Variants in FAT4 observed in about 807,000 individuals in gnomAD.
The protein encoded by FAT4 is FAT atypical cadherin 4, also known as protocadherin Fat 4.
Under a neutral mutation model 303.9 loss-of-function variants are expected in FAT4, and 84 were observed. The ratio of observed to expected loss-of-function variants is 0.28; its 90% CI spans 0.23 to 0.33. FAT4 has a LOEUF of 0.33. FAT4 is among the 10% of genes least tolerant of loss of function. The probability of loss-of-function intolerance (pLI) is 1.00; values close to 1 mark genes in which losing one functional copy is unlikely to be tolerated. For missense variants in FAT4, 6,005 were observed against 6,146.8 expected, an observed-to-expected ratio of 0.98 and a Z score of 0.77; for synonymous variants, 2,307 against 2,298.8, an observed-to-expected ratio of 1.00 and a Z score of -0.10.
At position 125,450,855 on chromosome 4, in the gene FAT4, G is replaced by A. The variant is rs764849695; in HGVS notation, c.9845G>A (p.Ser3282Asn). The A allele has an allele frequency of 1.9e-6, 3 of 1,614,022 alleles. No homozygotes were observed. Among genetic ancestry groups the A allele is most frequent in the Non-Finnish European group, 8.5e-7 (1 of 1,180,022 alleles). The change falls in exon 10 of 18, where the codon AGC (serine) becomes AAC (asparagine). Residue 3282 changes from serine to asparagine, a missense_variant. Transcript: ENST00000394329. ...AFNVPDEERC[S>N]FATVNIQLKG... ...AATGTCCCCGATGAGGAAAGGTGTAGCTTTGCCACTGTTAATATACAATTA... is the reference window on the plus strand; with the variant it reads ...AATGTCCCCGATGAGGAAAGGTGTAACTTTGCCACTGTTAATATACAATTA...
intron 2 of FAT4, among the ~76,000 whole-genome samples, chr4:125,372,863 T>C (rs539892182): frequency 1.3e-5 from 2 of 152,222 alleles, no homozygotes; most frequent in Non-Finnish European, 2.9e-5. Context: ...CAATATCATA[T>C]GCAATAGCAA....
chr4:125,436,529 C>T (rs572043139), intron 8 of FAT4, among the ~76,000 whole-genome samples: 6 of 152,154 alleles, frequency 3.9e-5, no homozygotes, highest in East Asian at 3.9e-4. Context: ...AACACGTTTG[C>T]GGAGTGTATT....
At position 125,482,814 on chromosome 4, in the gene FAT4, C is replaced by G. The variant is rs568672445; in HGVS notation, c.12822+1076C>G. ...TTCATCCTCAAAATTTTTCTCTGTG[C>G]AAGCCAACCATGATTATGTTGCATA... is the stretch of plus-strand genomic sequence containing the variant. On this transcript the variant is annotated intron_variant, in intron 16 of 17. Coordinates refer to ENST00000394329, the MANE Select transcript of FAT4 (RefSeq NM_001291303.3). Among the ~76,000 whole-genome samples the G allele has an allele frequency of 9.7e-4, 147 of 152,220 alleles. 1 individual carries two copies. The highest frequency in any genetic ancestry group is 3.5e-3 in the African/African-American group (144 of 41,528).
At chr4:125,407,177 A>C (rs777713147) in intron 4 of FAT4, 36 bp downstream of exon 4, 2 of 1,570,460 alleles carry the variant, frequency 1.3e-6, no homozygotes, top group Admixed American at 1.8e-5. Flanking sequence ...TTTTGCAAGA[A>C]TCGCTTTTGA....
intron 17 of FAT4, 38 bp from the exon 18 acceptor site, chr4:125,489,863 T>TTTTTTC: frequency 8.9e-7 from 1 of 1,122,086 alleles, no homozygotes. Context: ...TTTTTTTTTT[T>TTTTTTC]TTTTTGTAAA....
At chr4:125,406,542 A>G (rs1734615189) in intron 3 of FAT4, among the ~76,000 whole-genome samples, 1 of 152,198 alleles carries the variant, frequency 6.6e-6, no homozygotes. Context: ...AAATGCTGTT[A>G]GGATTTTGAT....
intron 11 of FAT4, 150 bp downstream of exon 11, chr4:125,463,817 G>C: frequency 2.0e-6 from 1 of 507,062 alleles, no homozygotes; most frequent in South Asian, 3.7e-5. Flanking sequence ...TTTAACATTT[G>C]TAAAAGTTAT....
rs1465836024 is a variant in FAT4 at position 125,451,393 on chromosome 4, A to T, written c.10383A>T (p.Thr3461=). ...ENGAFSINPQ[T]GQITVTAELD... ...GTGCCTTTTCTATTAATCCGCAGAC[A>T]GGACAGATCACCGTTACTGCAGAAT... is the stretch of plus-strand genomic sequence containing the variant. The change falls in exon 10 of 18, where the codon ACA becomes ACT. Residue 3461 remains threonine, a synonymous_variant. Transcript: ENST00000394329. 6.2e-7 allele frequency: 1 copy of T among 1,614,158 alleles called. No homozygotes were observed. The highest frequency in any genetic ancestry group is 8.5e-7 in the Non-Finnish European group (1 of 1,180,020).
intron 10 of FAT4, among the ~76,000 whole-genome samples, chr4:125,458,695 C>T (rs1560621992): frequency 6.6e-6 from 1 of 151,868 alleles, no homozygotes; most frequent in Non-Finnish European, 1.5e-5. Flanking sequence ...TATTTATAAG[C>T]TTATGAACAT....
At chr4:125,370,340 C>G (rs1451415187) in intron 2 of FAT4, among the ~76,000 whole-genome samples, 1 of 152,098 alleles carries the variant, frequency 6.6e-6, no homozygotes, top group African/African-American at 2.4e-5. Flanking sequence ...TCCAAATTTC[C>G]AGAATGAATG....
In FAT4 at chr4:125,318,496, T is replaced by C. The variant is rs778718253; in HGVS notation, c.2085T>C (p.Phe695=). 2.5e-6 allele frequency: 4 copies of C among 1,614,078 alleles called. No homozygotes were observed. In the South Asian group the frequency reaches 4.4e-5, roughly 18 times the overall value. The change falls in exon 2 of 18, where the codon TTT becomes TTC. Residue 695 remains phenylalanine, a synonymous_variant. Transcript: ENST00000394329. ...NSPVFYPVQY[F]AHIKENEPGG... ...CTGTCTTCTACCCGGTCCAATACTT[T>C]GCTCACATTAAGGAGAATGAGCCTG... is the stretch of plus-strand genomic sequence containing the variant.
chr4:125,487,260 C>A, intron 16 of FAT4, 85 bp from the exon 17 acceptor site: 1 of 1,340,170 alleles, frequency 7.5e-7, no homozygotes, highest in Non-Finnish European at 1.0e-6. Context: ...GTGGACTGGT[C>A]AAAAATTTAA....
At chr4:125,457,666 A>T (rs2126066697) in intron 10 of FAT4, among the ~76,000 whole-genome samples, 1 of 152,180 alleles carries the variant, frequency 6.6e-6, no homozygotes, top group Admixed American at 6.5e-5. Context: ...ATTAACTGTA[A>T]CATAAATTAT....
At chr4:125,366,148 G>A in intron 2 of FAT4, among the ~76,000 whole-genome samples, 1 of 152,132 alleles carries the variant, frequency 6.6e-6, no homozygotes, top group East Asian at 1.9e-4. Flanking sequence ...GCTGATATAG[G>A]TAAACTTCTG....
At chr4:125,411,835 A>AGATATCTACATATC (rs1280811511) in intron 5 of FAT4, among the ~76,000 whole-genome samples, 1 of 97,014 alleles carries the variant, frequency 1.0e-5, no homozygotes, top group Non-Finnish European at 2.1e-5. Flanking sequence ...ACATATCTAT[A>AGATATCTACATATC]TATAGTGTGT....
intron 2 of FAT4, among the ~76,000 whole-genome samples, chr4:125,322,349 A>G (rs1023894597): frequency 6.6e-6 from 1 of 152,206 alleles, no homozygotes; most frequent in Non-Finnish European, 1.5e-5. Flanking sequence ...TTAGTGTTTC[A>G]TAGCATAAGC....
At chr4:125,353,696 G>C (rs1050901649) in intron 2 of FAT4, among the ~76,000 whole-genome samples, 1 of 151,484 alleles carries the variant, frequency 6.6e-6, no homozygotes, top group Admixed American at 6.6e-5. Context: ...TTGTTGTAAG[G>C]GAGATCTGTG....
chr4:125,338,138 T>G (rs902364782), intron 2 of FAT4, among the ~76,000 whole-genome samples: 1 of 152,160 alleles, frequency 6.6e-6, no homozygotes, highest in African/African-American at 2.4e-5. Flanking sequence ...AAGATAAGTT[T>G]GAGAATTTTC....
chr4:125,440,822 G>C (rs1725635312), intron 8 of FAT4, among the ~76,000 whole-genome samples: 1 of 151,892 alleles, frequency 6.6e-6, no homozygotes, highest in Non-Finnish European at 1.5e-5. Context: ...TGCTTTTCCT[G>C]TTTCTCATTT....
Sources: allele counts gnomAD v4.1 joint callset (sites outside exome capture counted in the v4.1 genomes callset), GRCh38; gene constraint gnomAD v4.1.1; transcripts MANE v1.5; gene names NCBI Gene and HGNC (gene_info 2026-07-23, HGNC 2026-07-21).